The following LAMA1 variants were observed in gnomAD, a reference collection of about 807,000 sequenced individuals.
The protein encoded by LAMA1 is laminin subunit alpha-1.
LAMA1 carries 219 observed loss-of-function variants against 348.7 expected under a neutral mutation model. The observed-to-expected ratio is 0.63, with a 90% CI of 0.56 to 0.70. The LOEUF is 0.70. LAMA1 is among the 30% of genes least tolerant of loss of function. LAMA1 has a pLI of 0.00. For synonymous variants in LAMA1, 1,487 were observed against 1,491.0 expected, an observed-to-expected ratio of 1.00 and a Z score of 0.06; for missense variants, 3,744 against 3,888.0, an observed-to-expected ratio of 0.96 and a Z score of 0.99.
Position 7,117,769 on chromosome 18 carries a change from G to C in LAMA1, c.-49C>G, listed in dbSNP as rs1428520950. On this transcript the variant is annotated 5_prime_UTR_variant, in exon 1 of 63. Transcript: ENST00000389658. Reference sequence around the variant, plus strand: ...GGTCTGGGGAGAAAGCCGCGCGCCCGCCTGGAACGCTCCACGGGACGCGAG... The same window carrying C: ...GGTCTGGGGAGAAAGCCGCGCGCCCCCCTGGAACGCTCCACGGGACGCGAG... 1 of 1,538,470 alleles carries C rather than the reference G, an allele frequency of 6.5e-7. No homozygotes were observed. The highest frequency in any genetic ancestry group is 8.8e-7 in the Non-Finnish European group (1 of 1,136,136).
At position 7,009,295 on chromosome 18, in the gene LAMA1, G is replaced by T; in HGVS notation, c.3945C>A (p.Ser1315Arg). 6.2e-7 allele frequency: 1 copy of T among 1,613,196 alleles called. No homozygotes were observed. The highest frequency in any genetic ancestry group is 1.1e-5 in the South Asian group (1 of 91,058). Reference sequence around the variant, plus strand: ...CCTTGATGAGGATGTACTCAATATCGCTGAGGACAGACATAAAATCCTCTC... The same window carrying T: ...CCTTGATGAGGATGTACTCAATATCTCTGAGGACAGACATAAAATCCTCTC... The part of the protein sequence containing the change: ...VTREDFMSVL[S>R]DIEYILIKAS... The change falls in exon 27 of 63, where the codon AGC (serine) becomes AGA (arginine). Residue 1315 changes from serine to arginine, a missense_variant. Ser to Arg is a moderately radical substitution (Grantham distance 110, BLOSUM62 -1). Around this residue, in one of 3 missense-constraint regions of LAMA1, gnomAD observed 1,983 missense variants for 1,934.3 expected, o/e 1.03. Coordinates refer to ENST00000389658, the MANE Select transcript of LAMA1 (RefSeq NM_005559.4).
intron 49 of LAMA1, 170 bp downstream of exon 49, chr18:6,965,977 G>T: frequency 1.4e-6 from 1 of 699,174 alleles, no homozygotes; most frequent in Non-Finnish European, 2.3e-6. Flanking sequence ...AATTTAAAAT[G>T]AGGAAATTGT....
chr18:7,060,613 A>G (rs1293886040), intron 3 of LAMA1, among the ~76,000 whole-genome samples: 3 of 152,188 alleles, frequency 2.0e-5, no homozygotes, highest in Non-Finnish European at 4.4e-5. Flanking sequence ...ACATTGAAGA[A>G]AAGCCAAAGT....
rs184375207 is a variant in LAMA1 at position 6,997,752 on chromosome 18, T to G, written c.4796A>C (p.Lys1599Thr). ...ATTTCCAGTACCTACCTGGAGATAT[T>G]TAGTTGTATTTTCCAGGTTTGACAA... The part of the protein sequence containing the change: ...GILSNLENTT[K>T]YLQESLLKEN... The change falls in exon 33 of 63, where the codon AAA becomes ACA. Residue 1599 changes from lysine to threonine, a missense_variant. By Grantham distance (78) the Lys-to-Thr change is moderately conservative. Coordinates refer to ENST00000389658, the MANE Select transcript of LAMA1 (RefSeq NM_005559.4). 1.4e-5 allele frequency: 23 copies of G among 1,613,802 alleles called. No individual in the cohort carries two copies. In the East Asian group the frequency reaches 4.7e-4, roughly 33 times the overall value.
At chr18:7,064,478 G>A (rs1469455154) in intron 3 of LAMA1, among the ~76,000 whole-genome samples, 1 of 152,158 alleles carries the variant, frequency 6.6e-6, no homozygotes, top group African/African-American at 2.4e-5. Context: ...CCTGATTTCG[G>A]TCACATTCTT....
chr18:6,943,276 G>C lies in LAMA1; in HGVS notation c.8971C>G (p.Leu2991Val). 6.2e-7 allele frequency: 1 copy of C among 1,614,194 alleles called. No homozygotes were observed. The highest frequency in any genetic ancestry group is 8.5e-7 in the Non-Finnish European group (1 of 1,180,040). The change falls in exon 62 of 63, where the codon CTG becomes GTG. Residue 2991 changes from leucine (L) to valine (V), a missense_variant. By Grantham distance (32) the Leu-to-Val change is conservative. Around this residue, in one of 3 missense-constraint regions of LAMA1, gnomAD observed 232 missense variants for 264.4 expected, o/e 0.88. Coordinates refer to ENST00000389658, the MANE Select transcript of LAMA1 (RefSeq NM_005559.4). ...QANKSKHRIT[L>V]IVDGNAVGAE... ...CCAACTGCGTTCCCGTCAACAATCAGAGTGATACGGTGTTTGCTTTTGTTA... is the reference window on the plus strand; with the variant it reads ...CCAACTGCGTTCCCGTCAACAATCACAGTGATACGGTGTTTGCTTTTGTTA...
chr18:6,997,106 C>A (rs565642715), intron 33 of LAMA1, among the ~76,000 whole-genome samples: 1 of 152,176 alleles, frequency 6.6e-6, no homozygotes, highest in Admixed American at 6.5e-5. Flanking sequence ...GCTCTGTCGC[C>A]AGGCTGGAGT....
At chr18:6,975,083 T>A in intron 45 of LAMA1, 47 bp from the exon 46 acceptor site, 1 of 1,601,102 alleles carries the variant, frequency 6.2e-7, no homozygotes. Context: ...ACTGGACTGT[T>A]TGCTGACCAC....
At chr18:7,008,396 T>TACACATA in intron 28 of LAMA1, 92 bp downstream of exon 28, 4 of 1,416,858 alleles carry the variant, frequency 2.8e-6, no homozygotes, top group Non-Finnish European at 3.9e-6. Flanking sequence ...ATATAGTAGA[T>TACACATA]ACACATAAGT....
rs1234697146 is a variant in LAMA1 at position 6,958,275 on chromosome 18, T to C, written c.7964+202A>G. 2.0e-5 allele frequency among the ~76,000 whole-genome samples: 3 copies of C among 152,130 alleles called. No individual in the cohort carries two copies. In the East Asian group the frequency reaches 5.8e-4, roughly 29 times the overall value. On this transcript the variant is annotated intron_variant, in intron 55 of 62. Transcript: ENST00000389658. Reference sequence around the variant, plus strand: ...ATGTTCAGCGATGGTTTTTAAAGTATGATGACCAGATCTGTCTAACATTCT... The same window carrying C: ...ATGTTCAGCGATGGTTTTTAAAGTACGATGACCAGATCTGTCTAACATTCT...
At chr18:7,023,831 ATTGT>A (rs1288283671) in intron 18 of LAMA1, among the ~76,000 whole-genome samples, 1 of 151,846 alleles carries the variant, frequency 6.6e-6, no homozygotes. Flanking sequence ...GCTGCTTCCT[ATTGT>A]TTTTGTTTTG....
At position 7,011,305 on chromosome 18, in the gene LAMA1, C is replaced by T. The variant is rs772974629; in HGVS notation, c.3682G>A (p.Asp1228Asn). 3.1e-6 allele frequency: 5 copies of T among 1,610,286 alleles called. No homozygotes were observed. The highest frequency in any genetic ancestry group is 1.7e-5 in the Admixed American group (1 of 59,730). Residue 1228 changes from aspartate (D) to asparagine (N), a missense_variant, in exon 25 of 63, where the codon GAC becomes AAC. Coordinates refer to ENST00000389658, the MANE Select transcript of LAMA1 (RefSeq NM_005559.4). ...YWRLPQQFQG[D>N]QLMAYGGKLK... ...CGGCTGGGCGTGCACCTCACCTGGT[C>T]TCCTTGGAACTGCTGCGGCAGCCGC...
At chr18:7,086,977 C>A (rs563630343) in intron 1 of LAMA1, among the ~76,000 whole-genome samples, 12 of 152,112 alleles carry the variant, frequency 7.9e-5, no homozygotes, top group Non-Finnish European at 1.5e-4. Flanking sequence ...ATTCAGTGTG[C>A]GCAAGGGTGG....
chr18:7,050,603 G>A (rs2058058423), intron 4 of LAMA1, 91 bp downstream of exon 4: 2 of 1,572,226 alleles, frequency 1.3e-6, no homozygotes, highest in Non-Finnish European at 1.7e-6. Flanking sequence ...TTATATTAAA[G>A]ATCTTTGTAT....
At position 7,037,241 on chromosome 18, in the gene LAMA1, G is replaced by A. The variant is rs553909623; in HGVS notation, c.1737+337C>T. Among the ~76,000 whole-genome samples, 3 of 152,216 alleles carry A rather than the reference G, an allele frequency of 2.0e-5. No homozygotes were observed. In the East Asian group the frequency reaches 5.8e-4, roughly 29 times the overall value. On this transcript the variant is annotated intron_variant, in intron 12 of 62. Coordinates refer to ENST00000389658, the MANE Select transcript of LAMA1 (RefSeq NM_005559.4). The stretch of plus-strand genomic sequence containing the variant: ...CATGGAGGCTCTAAGCTGAGCCTAT[G>A]GCAAACTAAACAAAGCGGGAATGTG...
intron 1 of LAMA1, among the ~76,000 whole-genome samples, chr18:7,088,576 G>A (rs990167732): frequency 7.2e-5 from 11 of 151,972 alleles, no homozygotes; most frequent in Admixed American, 1.3e-4. Context: ...GGAGTGCAGC[G>A]GTGCAATCAC....
intron 51 of LAMA1, among the ~76,000 whole-genome samples, chr18:6,963,009 C>T (rs182977561): frequency 2.6e-5 from 4 of 152,296 alleles, no homozygotes; most frequent in African/African-American, 9.6e-5. Flanking sequence ...TCTGTACCAG[C>T]TCTTCACAGG....
At chr18:7,090,933 T>C (rs1418625726) in intron 1 of LAMA1, among the ~76,000 whole-genome samples, 1 of 152,172 alleles carries the variant, frequency 6.6e-6, no homozygotes, top group Non-Finnish European at 1.5e-5. Flanking sequence ...TCCCTAGCAA[T>C]GTGCTCAAGG....
At chr18:7,011,279 T>C in intron 25 of LAMA1, 21 bp downstream of exon 25, 1 of 1,609,198 alleles carries the variant, frequency 6.2e-7, no homozygotes, top group Non-Finnish European at 8.5e-7. Flanking sequence ...CGACTGGCTC[T>C]CGGCTGGGCG....
Sources: allele counts gnomAD v4.1 joint callset (sites outside exome capture counted in the v4.1 genomes callset), GRCh38; gene constraint gnomAD v4.1.1; regional missense constraint gnomAD v4.1.1; transcripts MANE v1.5; gene names NCBI Gene and HGNC (gene_info 2026-07-23, HGNC 2026-07-21).